The following ZSCAN5A variants were observed in gnomAD, a reference collection of about 807,000 sequenced individuals.
ZSCAN5A encodes zinc finger and SCAN domain-containing protein 5A.
ZSCAN5A carries 12 observed loss-of-function variants against 23.7 expected under a neutral mutation model. The observed-to-expected ratio is 0.51, with a 90% CI of 0.32 to 0.82. The LOEUF is 0.82. ZSCAN5A is among the 40% of genes least tolerant of loss of function. The pLI is 0.03. For synonymous variants in ZSCAN5A, 257 were observed against 239.9 expected (o/e 1.07, Z -0.66); for missense variants, 597 against 617.9 (o/e 0.97, Z 0.36).
intron 2 of ZSCAN5A, among the ~76,000 whole-genome samples, chr19:56,241,744 C>T (rs891242223): frequency 2.0e-5 from 3 of 152,200 alleles, no homozygotes; most frequent in African/African-American, 7.2e-5. Context: ...CCCATCCCAG[C>T]CCTGGTAACC....
chr19:56,267,291 G>A (rs1038801422), intron 2 of ZSCAN5A, among the ~76,000 whole-genome samples: 9 of 152,084 alleles, frequency 5.9e-5, no homozygotes, highest in African/African-American at 2.2e-4. Flanking sequence ...GTTAGAGAAA[G>A]TGCATCCCCA....
At chr19:56,302,137 G>A in intron 2 of ZSCAN5A, 9 of 1,223,416 alleles carry the variant, frequency 7.4e-6, no homozygotes, top group Non-Finnish European at 9.2e-6. Context: ...GTGAGGAGAG[G>A]AAGGAAAGAG....
In ZSCAN5A at chr19:56,325,730, C is replaced by CTGT. The variant is rs35087517; in HGVS notation, c.-357-9465_-357-9463dup. The stretch of plus-strand genomic sequence containing the variant: ...TTAGTGAGGCAGATATACTGGTTAT[C>CTGT]TGTTGTTGTTGTTGTTGTTGCTGTT... On this transcript the variant is annotated intron_variant, in intron 2 of 6. Coordinates refer to the ZSCAN5A transcript ENST00000587340. Among the ~76,000 whole-genome samples the CTGT allele has an allele frequency of 5.3e-4, 81 of 151,532 alleles. No homozygotes were observed. In the South Asian group the frequency reaches 6.5e-3, roughly 12 times the overall value.
At chr19:56,237,694 C>A (rs960064153) in intron 2 of ZSCAN5A, among the ~76,000 whole-genome samples, 1 of 151,826 alleles carries the variant, frequency 6.6e-6, no homozygotes, top group Non-Finnish European at 1.5e-5. Flanking sequence ...CTGAGACGGG[C>A]GGATCGCTTG....
chr19:56,269,935 A>C (rs776288118), intron 2 of ZSCAN5A, among the ~76,000 whole-genome samples: 1 of 152,144 alleles, frequency 6.6e-6, no homozygotes, highest in Non-Finnish European at 1.5e-5. Flanking sequence ...CACAAATTTT[A>C]TGGTAATTTG....
chr19:56,328,701 T>G (rs2041459215), intron 2 of ZSCAN5A, among the ~76,000 whole-genome samples: 1 of 139,788 alleles, frequency 7.2e-6, no homozygotes, highest in Non-Finnish European at 1.5e-5. Context: ...AAACCAAATG[T>G]GGGTCAAAGA....
intron 2 of ZSCAN5A, among the ~76,000 whole-genome samples, chr19:56,329,691 TAAAA>T (rs954850290): frequency 6.6e-6 from 1 of 151,148 alleles, no homozygotes. Context: ...TTAAAAAACA[TAAAA>T]AAAAAGTTTT....
chr19:56,237,321 A>T (rs550001221), intron 2 of ZSCAN5A, among the ~76,000 whole-genome samples: 19 of 152,170 alleles, frequency 1.2e-4, no homozygotes, highest in Middle Eastern at 3.4e-3. Flanking sequence ...AGCTGTGCAC[A>T]TTGCTGAGGA....
At chr19:56,262,877 C>CTT (rs1568664173) in intron 2 of ZSCAN5A, among the ~76,000 whole-genome samples, 3 of 152,172 alleles carry the variant, frequency 2.0e-5, no homozygotes, top group Non-Finnish European at 4.4e-5. Flanking sequence ...TTGACGGACA[C>CTT]TTGGATTATT....
intron 2 of ZSCAN5A, among the ~76,000 whole-genome samples, chr19:56,237,298 C>T (rs1012757541): frequency 2.6e-5 from 4 of 152,168 alleles, no homozygotes; most frequent in East Asian, 1.9e-4. Flanking sequence ...TTCTCCTTTG[C>T]GGCGGTGCTT....
intron 2 of ZSCAN5A, among the ~76,000 whole-genome samples, chr19:56,349,463 G>A (rs1228456640): frequency 2.0e-5 from 3 of 152,108 alleles, no homozygotes; most frequent in Non-Finnish European, 4.4e-5. Flanking sequence ...TTGGGAGGCC[G>A]AGACGGGCGG....
At chr19:56,329,452 G>A (rs1050827163) in intron 2 of ZSCAN5A, among the ~76,000 whole-genome samples, 3 of 151,986 alleles carry the variant, frequency 2.0e-5, no homozygotes, top group African/African-American at 7.2e-5. Context: ...AATGCTAAGA[G>A]GGAAATAGGA....
At chr19:56,330,969 A>T (rs1388929904) in intron 2 of ZSCAN5A, among the ~76,000 whole-genome samples, 1 of 149,166 alleles carries the variant, frequency 6.7e-6, no homozygotes, top group African/African-American at 2.6e-5. Context: ...ATTCTTCTTG[A>T]GTTAATTTTT....
rs960594838 is a variant in ZSCAN5A, at chr19:56,320,593, CAA to C, written c.-357-4327_-357-4326del. 30 of 579,124 alleles carry C rather than the reference CAA, an allele frequency of 5.2e-5. 1 individual carries two copies. Among genetic ancestry groups the C allele is most frequent in the Admixed American group, 1.3e-4 (6 of 44,948 alleles). The allele number at this position is 579,124 out of a possible 1,614,324, so 35.9% of individuals were successfully genotyped here. ...TACCATTGCACTCCAGCCTGGGTGA[CAA>C]GAGCGAAATTCTGTCTCAAAAATAA... On this transcript the variant is annotated intron_variant, in intron 2 of 6. Transcript: ENST00000587340.
chr19:56,346,761 T>G (rs997422429), intron 2 of ZSCAN5A, among the ~76,000 whole-genome samples: 1 of 151,762 alleles, frequency 6.6e-6, no homozygotes, highest in Non-Finnish European at 1.5e-5. Flanking sequence ...CAGGCTGGAG[T>G]GTAGTGGTGC....
rs191890861 is a variant in ZSCAN5A at position 56,226,133 on chromosome 19, A to C, written c.-127-960T>G. Among the ~76,000 whole-genome samples, 260 of 152,260 alleles carry C rather than the reference A, an allele frequency of 1.7e-3. 1 individual carries two copies. Among genetic ancestry groups the C allele is most frequent in the African/African-American group, 6.1e-3 (253 of 41,562 alleles). ...TTTCCTAGACACAGGTGGGGGAAGC[A>C]ACCTGAAGGTCTGCAGAGGGGAGAA... On this transcript the variant is annotated intron_variant, in intron 2 of 5. Transcript: ENST00000683990.
chr19:56,278,337 T>G (rs2038423705), intron 2 of ZSCAN5A, among the ~76,000 whole-genome samples: 1 of 152,224 alleles, frequency 6.6e-6, no homozygotes, highest in Admixed American at 6.5e-5. Context: ...TTTCACCATG[T>G]TGGCCAGGCT....
chr19:56,243,336 G>T (rs1475443534), intron 2 of ZSCAN5A, among the ~76,000 whole-genome samples: 2 of 152,172 alleles, frequency 1.3e-5, no homozygotes, highest in African/African-American at 4.8e-5. Flanking sequence ...TTAGTGCCAT[G>T]AAATTGTGCA....
chr19:56,327,595 T>C (rs1177553756), intron 2 of ZSCAN5A, among the ~76,000 whole-genome samples: 1 of 151,276 alleles, frequency 6.6e-6, no homozygotes, highest in African/African-American at 2.4e-5. Flanking sequence ...CTTATATGTA[T>C]GATATATAAT....
Sources: gnomAD v4.1 joint callset for allele counts (sites outside exome capture counted in the v4.1 genomes callset) on GRCh38, gnomAD v4.1.1 for gene constraint, MANE v1.5 for transcripts, NCBI Gene and HGNC (gene_info 2026-07-23, HGNC 2026-07-21) for gene names.